MAGED1: variants seen among roughly 807,000 people sequenced by gnomAD.
MAGED1 encodes MAGE family member D1.
Under a neutral mutation model 54.1 loss-of-function variants are expected in MAGED1, and 3 were observed. That is an observed-to-expected ratio of 0.06 (90% CI 0.03 to 0.14). The LOEUF (loss-of-function observed/expected upper bound fraction) is 0.14, where lower values mean the gene tolerates loss of function less well. Among genes scored for constraint, MAGED1 ranks in the 10% least tolerant of loss-of-function variants. The pLI is 1.00. For synonymous variants in MAGED1, 217 were observed against 227.3 expected, an observed-to-expected ratio of 0.95 and a Z score of 0.41; for missense variants, 485 against 623.4, an observed-to-expected ratio of 0.78 and a Z score of 2.36.
intron 1 of MAGED1, among the ~76,000 whole-genome samples, chrX:51,863,384 G>T (rs1927350232): frequency 8.9e-6 from 1 of 111,976 alleles, no homozygotes; most frequent in African/African-American, 3.2e-5. Flanking sequence ...TGCATCTGTT[G>T]CAGACACTTA....
chrX:51,895,237 C>T lies in MAGED1; in HGVS notation c.230C>T (p.Ala77Val), dbSNP rs202085108. The T allele has an allele frequency of 1.7e-6, 2 of 1,210,164 alleles. No homozygotes were observed. Among genetic ancestry groups the T allele is most frequent in the East Asian group, 5.9e-5 (2 of 33,718 alleles). Residue 77 changes from alanine (A) to valine (V), a missense_variant, in exon 3 of 13, where the codon GCC becomes GTC. Coordinates refer to ENST00000326587, the MANE Select transcript of MAGED1 (RefSeq NM_006986.4). ...VSAAAARPKS[A>V]FKVQNATTKG... ...GCAGCTGCCGCTAGGCCTAAGTCAG[C>T]CTTTAAAGTCCAGAATGCCACCACA...
intron 7 of MAGED1, 62 bp from the exon 8 acceptor site, chrX:51,898,052 A>G (rs1423270317): frequency 1.9e-6 from 2 of 1,064,537 alleles, no homozygotes; most frequent in African/African-American, 3.7e-5. Flanking sequence ...TAGATGGGCA[A>G]GCTGGTTGGG....
At chrX:51,822,451 T>A (rs1925671133) in intron 1 of MAGED1, among the ~76,000 whole-genome samples, 1 of 111,377 alleles carries the variant, frequency 9.0e-6, no homozygotes, top group South Asian at 3.7e-4. Context: ...TTTGTCAATT[T>A]TGTTGATCTT....
intron 1 of MAGED1, among the ~76,000 whole-genome samples, chrX:51,867,832 G>C (rs1240721422): frequency 1.8e-5 from 2 of 112,065 alleles, no homozygotes; most frequent in African/African-American, 6.5e-5. Flanking sequence ...AGAAACATGA[G>C]AAGTAAAGAT....
upstream of MAGED1, chrX:51,893,561 G>C (rs975672731): frequency 1.8e-5 from 2 of 114,015 alleles, no homozygotes; most frequent in Admixed American, 9.2e-5. Flanking sequence ...TTCAGTGTTT[G>C]CGCATGCGCG....
chrX:51,877,859 A>G (rs1246791449), intron 1 of MAGED1, among the ~76,000 whole-genome samples: 1 of 111,974 alleles, frequency 8.9e-6, no homozygotes, highest in Non-Finnish European at 1.9e-5. Context: ...TTTTTCTTTT[A>G]TAAAATGAAA....
intron 1 of MAGED1, among the ~76,000 whole-genome samples, chrX:51,883,304 AG>A (rs782748061): frequency 1.8e-5 from 2 of 111,501 alleles, no homozygotes; most frequent in Non-Finnish European, 3.8e-5. Flanking sequence ...ACCACCCAAC[AG>A]TAACAATGAT....
chrX:51,878,527 A>T lies in MAGED1; in HGVS notation c.-36-15742A>T, dbSNP rs182284420. On this transcript the variant is annotated intron_variant, in intron 1 of 12. Transcript: ENST00000375772. ...GTTAAATACATACTGAAGCCATAGGAACGCATTTGATATAATCCTAAGATG... is the reference window on the plus strand; with the variant it reads ...GTTAAATACATACTGAAGCCATAGGTACGCATTTGATATAATCCTAAGATG... Among the ~76,000 whole-genome samples the T allele has an allele frequency of 2.7e-4, 30 of 111,324 alleles. No individual in the cohort carries two copies. The East Asian group carries it at 7.3e-3, about 27-fold the overall frequency.
intron 1 of MAGED1, among the ~76,000 whole-genome samples, chrX:51,886,544 G>A (rs1319699583): frequency 9.1e-6 from 1 of 109,580 alleles, no homozygotes; most frequent in Non-Finnish European, 1.9e-5. Context: ...AGCCAGCTCA[G>A]TAAAGAAAGA....
At chrX:51,873,765 C>G (rs1437526804) in intron 1 of MAGED1, among the ~76,000 whole-genome samples, 2 of 111,018 alleles carry the variant, frequency 1.8e-5, no homozygotes, top group Non-Finnish European at 3.8e-5. Context: ...GTATATAGCT[C>G]TCATCTTCCA....
intron 2 of MAGED1, 156 bp from the exon 3 acceptor site, chrX:51,894,897 C>A (rs140779411): frequency 0.017 from 15,778 of 950,807 alleles, 121 homozygotes; most frequent in Non-Finnish European, 0.02. Context: ...CATCGCCCCT[C>A]GCGGGCCCCC....
At chrX:51,852,186 T>C (rs781843288) in intron 1 of MAGED1, among the ~76,000 whole-genome samples, 1 of 111,619 alleles carries the variant, frequency 9.0e-6, no homozygotes, top group African/African-American at 3.3e-5. Flanking sequence ...CATTTTCAGC[T>C]CTCTGACTCT....
chrX:51,860,552 G>C lies in MAGED1; in HGVS notation c.-36-33717G>C, dbSNP rs185124158. On this transcript the variant is annotated intron_variant, in intron 1 of 12. Transcript: ENST00000375772. ...ATGGAGAACTCAGAATAAGGAGCAG[G>C]TTTGTGGGGAAAGAATGACCTTTGC... Among the ~76,000 whole-genome samples, 366 of 111,536 alleles carry C rather than the reference G, an allele frequency of 3.3e-3. 1 individual carries two copies. The highest frequency in any genetic ancestry group is 9.5e-3 in the South Asian group (25 of 2,624).
chrX:51,888,107 C>T (rs781798273), intron 1 of MAGED1, among the ~76,000 whole-genome samples: 5 of 111,471 alleles, frequency 4.5e-5, no homozygotes, highest in African/African-American at 1.6e-4. Flanking sequence ...CTTGATAGCA[C>T]AATAGGGTGA....
chrX:51,842,241 T>C (rs1237660083), intron 1 of MAGED1, among the ~76,000 whole-genome samples: 3 of 112,296 alleles, frequency 2.7e-5, no homozygotes, highest in East Asian at 2.8e-4. Context: ...AGTTTAACAC[T>C]GTACTATGTG....
chrX:51,840,848 G>T (rs1557358449), intron 1 of MAGED1, among the ~76,000 whole-genome samples: 2 of 109,360 alleles, frequency 1.8e-5, no homozygotes, highest in African/African-American at 3.3e-5. Flanking sequence ...TGGACATTTG[G>T]GTTGGTTCCA....
intron 1 of MAGED1, among the ~76,000 whole-genome samples, chrX:51,833,894 A>T (rs188779254): frequency 3.7e-5 from 4 of 109,553 alleles, no homozygotes; most frequent in Non-Finnish European, 5.7e-5. Flanking sequence ...ATCACATCCT[A>T]CTCCTTTCCC....
rs369211587 is a variant in MAGED1, at chrX:51,896,604, C to G, written c.949C>G (p.Pro317Ala). Residue 317 changes from proline (P) to alanine (A), a missense_variant, in exon 4 of 13, where the codon CCA (proline) becomes GCA (alanine). By Grantham distance (27) the Pro-to-Ala change is conservative. Transcript: ENST00000326587. Reference sequence around the variant, plus strand: ...GCAAAACCAGACAGCCAGGCAGACCCCACCAGCACGTCAGAGCCCTCCAGC... The same window carrying G: ...GCAAAACCAGACAGCCAGGCAGACCGCACCAGCACGTCAGAGCCCTCCAGC... ...GWQNQTARQT[P>A]PARQSPPARQ... The G allele has an allele frequency of 6.6e-6, 8 of 1,210,437 alleles. No homozygotes were observed. Among genetic ancestry groups the G allele is most frequent in the Non-Finnish European group, 8.9e-6 (8 of 895,340 alleles).
At position 51,894,331 on chromosome X, in the gene MAGED1, G is replaced by T; in HGVS notation, c.27G>T (p.Ala9=). Residue 9 remains alanine, a synonymous_variant, in exon 2 of 13, where the codon GCG becomes GCT. Coordinates refer to ENST00000326587, the MANE Select transcript of MAGED1 (RefSeq NM_006986.4). The part of the protein sequence containing the change: MAQKMDCG[A]GLLGFQAEAS... Reference sequence around the variant, plus strand: ...TGGCTCAGAAAATGGACTGTGGTGCGGGCCTCCTCGGCTTCCAGGTGAGAT... The same window carrying T: ...TGGCTCAGAAAATGGACTGTGGTGCTGGCCTCCTCGGCTTCCAGGTGAGAT... 8.3e-7 allele frequency: 1 copy of T among 1,201,839 alleles called. No individual in the cohort carries two copies. Among genetic ancestry groups the T allele is most frequent in the South Asian group, 1.8e-5 (1 of 55,165 alleles).
Sources: gnomAD v4.1 joint callset for allele counts (sites outside exome capture counted in the v4.1 genomes callset) on GRCh38, gnomAD v4.1.1 for gene constraint, MANE v1.5 for transcripts, NCBI Gene and HGNC (gene_info 2026-07-23, HGNC 2026-07-21) for gene names.